Variants in MAP3K20 observed in about 807,000 individuals in gnomAD.
MAP3K20 encodes HCCS-4.
A neutral mutation model predicts 85.7 loss-of-function variants in MAP3K20; 40 were observed. The ratio of observed to expected loss-of-function variants is 0.47; its 90% CI spans 0.36 to 0.61. The LOEUF is 0.61. Among genes scored for constraint, MAP3K20 ranks in the 20% least tolerant of loss-of-function variants. The pLI is 0.00. For missense variants in MAP3K20, 817 were observed against 961.7 expected, an observed-to-expected ratio of 0.85 and a Z score of 1.99; for synonymous variants, 325 against 327.7, an observed-to-expected ratio of 0.99 and a Z score of 0.09.
At chr2:173,199,037 C>G (rs1422350869) in intron 8 of MAP3K20, among the ~76,000 whole-genome samples, 1 of 152,174 alleles carries the variant, frequency 6.6e-6, no homozygotes, top group African/African-American at 2.4e-5. Context: ...TTCTTCATTT[C>G]CAAATCTTAT....
rs1293527505 is a variant in MAP3K20 at position 173,090,851 on chromosome 2, T to C, written c.-34-147T>C. On this transcript the variant is annotated intron_variant, in intron 1 of 19. Transcript: ENST00000375213. ...CCAGGGTGAGTGTTTTCGAATTGTT[T>C]ATAATCTTGCTTTTCTTCTTCCTAA... 11 of 1,349,690 alleles carry C rather than the reference T, an allele frequency of 8.2e-6. No individual in the cohort carries two copies. In the East Asian group the frequency reaches 2.8e-4, roughly 34 times the overall value. The allele number at this position is 1,349,690 out of a possible 1,614,324, so 83.6% of individuals were successfully genotyped here.
intron 1 of MAP3K20, among the ~76,000 whole-genome samples, chr2:173,078,117 A>G (rs1035423567): frequency 6.6e-6 from 1 of 152,364 alleles, no homozygotes; most frequent in Middle Eastern, 3.4e-3. Context: ...GTGTGGAGTG[A>G]CAGAGCAAAA....
chr2:173,252,286 G>T (rs1168445045), intron 16 of MAP3K20, among the ~76,000 whole-genome samples: 2 of 152,238 alleles, frequency 1.3e-5, no homozygotes, highest in Non-Finnish European at 2.9e-5. Flanking sequence ...AGCATCAACT[G>T]AGTGTCGTTT....
At chr2:173,256,480 AATAG>A (rs56269594) in intron 16 of MAP3K20, among the ~76,000 whole-genome samples, 5,791 of 149,294 alleles carry the variant, frequency 0.039, 179 homozygotes, top group African/African-American at 0.073. Context: ...AATTTAAAAA[AATAG>A]ATAGATAGAT....
chr2:173,195,448 T>C lies in MAP3K20; in HGVS notation c.583-2578T>C, dbSNP rs568800194. ...AAACTGAAAACATAAATTTTCCTTG[T>C]GAGCACAGTTTAAATGTGAGGACGT... On this transcript the variant is annotated intron_variant, in intron 7 of 19. Coordinates refer to ENST00000375213, the MANE Select transcript of MAP3K20 (RefSeq NM_016653.3). Among the ~76,000 whole-genome samples the C allele has an allele frequency of 1.2e-3, 185 of 152,336 alleles. 2 individuals are homozygous for C. The highest frequency in any genetic ancestry group is 4.2e-3 in the African/African-American group (176 of 41,584).
intron 2 of MAP3K20, among the ~76,000 whole-genome samples, chr2:173,163,275 C>T (rs1209668784): frequency 6.6e-6 from 1 of 152,196 alleles, no homozygotes; most frequent in African/African-American, 2.4e-5. Flanking sequence ...TCACCCTCCT[C>T]CCACCCTCCA....
At chr2:173,097,902 T>C (rs2106156521) in intron 2 of MAP3K20, among the ~76,000 whole-genome samples, 1 of 152,322 alleles carries the variant, frequency 6.6e-6, no homozygotes, top group South Asian at 2.1e-4. Context: ...TGATATCGTT[T>C]AGTGATTTAT....
chr2:173,226,371 G>C, intron 11 of MAP3K20: 2 of 984,934 alleles, frequency 2.0e-6, no homozygotes, highest in African/African-American at 3.5e-5. Context: ...GCAGCCTTTT[G>C]AAAGTAGCAG....
At chr2:173,077,379 C>CA (rs35541382) in intron 1 of MAP3K20, among the ~76,000 whole-genome samples, 3,492 of 95,974 alleles carry the variant, frequency 0.036, 72 homozygotes, top group Middle Eastern at 0.072. Flanking sequence ...TTCAATTTTC[C>CA]AAAAAAAAAA....
chr2:173,153,530 A>G (rs1689368027), intron 2 of MAP3K20, among the ~76,000 whole-genome samples: 1 of 152,200 alleles, frequency 6.6e-6, no homozygotes, highest in African/African-American at 2.4e-5. Context: ...CCTGTTTCTT[A>G]GAATATTACT....
chr2:173,205,375 A>G (rs769535263), intron 9 of MAP3K20, among the ~76,000 whole-genome samples: 60 of 152,214 alleles, frequency 3.9e-4, no homozygotes, highest in African/African-American at 1.0e-3. Flanking sequence ...TTCTTCTACA[A>G]TATGTTTCTT....
intron 2 of MAP3K20, among the ~76,000 whole-genome samples, chr2:173,120,855 G>C (rs1044218905): frequency 1.3e-5 from 2 of 151,586 alleles, no homozygotes; most frequent in African/African-American, 2.4e-5. Context: ...CTACAGGTGC[G>C]TGCCACCATG....
chr2:173,204,471 T>C (rs1212695263), intron 9 of MAP3K20, among the ~76,000 whole-genome samples: 1 of 152,224 alleles, frequency 6.6e-6, no homozygotes. Flanking sequence ...ATGTACTGCC[T>C]GTCCAGCTTC....
At chr2:173,126,171 T>C (rs1182298094) in intron 2 of MAP3K20, among the ~76,000 whole-genome samples, 1 of 152,130 alleles carries the variant, frequency 6.6e-6, no homozygotes. Context: ...TAAAATACTT[T>C]GTGTAATGTT....
At chr2:173,092,092 A>T (rs1004454203) in intron 2 of MAP3K20, among the ~76,000 whole-genome samples, 1 of 152,206 alleles carries the variant, frequency 6.6e-6, no homozygotes, top group Non-Finnish European at 1.5e-5. Flanking sequence ...CCAGTGAACC[A>T]TAGCAATTGA....
rs1490701549 is a variant in MAP3K20 at position 173,092,619 on chromosome 2, TC to T, written c.159+1431del. Among the ~76,000 whole-genome samples the T allele has an allele frequency of 2.6e-5, 4 of 152,224 alleles. No homozygotes were observed. In the East Asian group the frequency reaches 7.7e-4, roughly 29 times the overall value. ...CGAAGAGAAAACTAAACCTGCTCCA[TC>T]CATTTATAGTCAGTTATTTATATAT... On this transcript the variant is annotated intron_variant, in intron 2 of 19. Transcript: ENST00000375213.
intron 11 of MAP3K20, among the ~76,000 whole-genome samples, chr2:173,228,329 C>T (rs1258500201): frequency 2.0e-5 from 3 of 152,098 alleles, no homozygotes; most frequent in African/African-American, 7.2e-5. Context: ...CTCCCTCTCC[C>T]GCCATGCCAG....
chr2:173,165,564 A>G (rs1367841871), intron 2 of MAP3K20, among the ~76,000 whole-genome samples: 1 of 152,214 alleles, frequency 6.6e-6, no homozygotes, highest in Non-Finnish European at 1.5e-5. Context: ...GACTCTGATC[A>G]CTCATCTCTG....
At chr2:173,235,406 T>C (rs947831434) in intron 14 of MAP3K20, among the ~76,000 whole-genome samples, 1 of 152,366 alleles carries the variant, frequency 6.6e-6, no homozygotes, top group East Asian at 1.9e-4. Context: ...CTCCTCGTTG[T>C]TGCTTACTTA....
Sources: allele counts gnomAD v4.1 joint callset (sites outside exome capture counted in the v4.1 genomes callset), GRCh38; gene constraint gnomAD v4.1.1; transcripts MANE v1.5; gene names NCBI Gene and HGNC (gene_info 2026-07-23, HGNC 2026-07-21).